The following C2CD2L variants were observed in gnomAD, a reference collection of about 807,000 sequenced individuals.
C2CD2L encodes C2CD2 like.
In C2CD2L, 24 loss-of-function variants were observed where a neutral mutation model predicts 69.9. That is an observed-to-expected ratio of 0.34 (90% CI 0.25 to 0.48). C2CD2L has a LOEUF of 0.48. Ranked by LOEUF, C2CD2L falls within the 20% of genes least tolerant of loss-of-function variation. C2CD2L has a pLI of 0.99. For synonymous variants in C2CD2L, 367 were observed against 391.0 expected (o/e 0.94, Z 0.72); for missense variants, 811 against 941.5 (o/e 0.86, Z 1.81).
chr11:119,108,385 T>G, intron 1 of C2CD2L: 3 of 343,296 alleles, frequency 8.7e-6, no homozygotes, highest in Non-Finnish European at 1.0e-5. Context: ...CACTTCCGCC[T>G]TGCCTGGGTG....
At chr11:119,113,350 G>A in intron 10 of C2CD2L, 1 of 482,856 alleles carries the variant, frequency 2.1e-6, no homozygotes. Context: ...GGGAGCCCCA[G>A]TACCCCCTCT....
Position 119,116,601 on chromosome 11 carries a change from T to C in C2CD2L, c.*345T>C. 2.5e-6 allele frequency: 1 copy of C among 396,006 alleles called. No homozygotes were observed. Among genetic ancestry groups the C allele is most frequent in the East Asian group, 4.8e-5 (1 of 20,842 alleles). The allele number at this position is 396,006 out of a possible 1,614,324, so 24.5% of individuals were successfully genotyped here. The stretch of plus-strand genomic sequence containing the variant: ...GCTCTTCAGCTGACCCTTCTTCCCT[T>C]ATTTATTCTCTTTTCTATTTATATG... On this transcript the variant is annotated 3_prime_UTR_variant, in exon 14 of 14. Transcript: ENST00000648610.
In C2CD2L at chr11:119,113,935, G is replaced by T; in HGVS notation, c.1570G>T (p.Ala524Ser). ...GCTGACAGAGCCCAGTGGGCGGGTG[G>T]CCAAGAAGACACCCACCAAGCGCAG... is the stretch of plus-strand genomic sequence containing the variant. ...RQLTEPSGRV[A>S]KKTPTKRSTL... The change falls in exon 12 of 14, where the codon GCC (alanine) becomes TCC (serine). Residue 524 changes from alanine to serine, a missense_variant. By Grantham distance (99) the Ala-to-Ser change is moderately conservative. Coordinates refer to ENST00000648610, the MANE Select transcript of C2CD2L (RefSeq NM_001290474.2). 6.2e-7 allele frequency: 1 copy of T among 1,614,202 alleles called. No homozygotes were observed. Among genetic ancestry groups the T allele is most frequent in the Non-Finnish European group, 8.5e-7 (1 of 1,180,034 alleles).
In C2CD2L at chr11:119,114,136, A is replaced by C; in HGVS notation, c.1680A>C (p.Glu560Asp). 1 of 1,614,112 alleles carries C rather than the reference A, an allele frequency of 6.2e-7. No individual in the cohort carries two copies. Among genetic ancestry groups the C allele is most frequent in the Non-Finnish European group, 8.5e-7 (1 of 1,179,992 alleles). ...CCCTGGGCTATGCGGCATCCCTGGA[A>C]GCCTCAGTGCAGGATGATGCAGGGA... ...ALSLGYAASL[E>D]ASVQDDAGTS... Residue 560 changes from glutamate to aspartate, a missense_variant, in exon 13 of 14, where the codon GAA (glutamate) becomes GAC (aspartate). Physicochemically the swap from Glu to Asp is conservative, Grantham distance 45. Coordinates refer to ENST00000648610, the MANE Select transcript of C2CD2L (RefSeq NM_001290474.2). This position sits in a 1 kb window ranked among gnomAD's most constrained non-coding sequence, Gnocchi z 5.1.
upstream of C2CD2L, among the ~76,000 whole-genome samples, chr11:119,105,407 G>A (rs1946562318): frequency 6.6e-6 from 1 of 152,196 alleles, no homozygotes; most frequent in Non-Finnish European, 1.5e-5. Context: ...GGGAGGCCGA[G>A]GCGGGAGGAT....
intron 8 of C2CD2L, 26 bp downstream of exon 8, chr11:119,112,418 C>T: frequency 1.9e-6 from 3 of 1,613,890 alleles, no homozygotes; most frequent in Non-Finnish European, 2.5e-6. Context: ...GAGGGGCACC[C>T]CTGGGTGGGT....
rs1430088096 is a variant in C2CD2L, at chr11:119,113,866, C to T, written c.1501C>T (p.Leu501Phe). 1.7e-5 allele frequency: 27 copies of T among 1,614,178 alleles called. No homozygotes were observed. Among genetic ancestry groups the T allele is most frequent in the Non-Finnish European group, 2.3e-5 (27 of 1,180,010 alleles). Residue 501 changes from leucine to phenylalanine, a missense_variant, in exon 12 of 14, where the codon CTT becomes TTT. Leu to Phe is a conservative substitution (Grantham distance 22). Transcript: ENST00000648610. ...TGCACCCCTAGCAGGGGACAGCCACCTTTCCAACGGCTTGGACCCTGTAGC... is the reference window on the plus strand; with the variant it reads ...TGCACCCCTAGCAGGGGACAGCCACTTTTCCAACGGCTTGGACCCTGTAGC... Reference protein sequence around the residue: ...TSHSSSRDSHLSNGLDPVAET... With the variant: ...TSHSSSRDSHFSNGLDPVAET...
In C2CD2L at chr11:119,118,290, C is replaced by CTA. The variant is rs1470929670; in HGVS notation, c.*2038_*2039dup. 1 of 152,178 alleles carries CTA rather than the reference C, an allele frequency of 6.6e-6. No individual in the cohort carries two copies. Among genetic ancestry groups the CTA allele is most frequent in the African/African-American group, 2.4e-5 (1 of 41,440 alleles). The allele number at this position is 152,178 out of a possible 1,614,324, so 9.4% of individuals were successfully genotyped here. A position where few individuals can be genotyped will look rare whatever the true frequency, so the allele number is the denominator to read the frequency against. On this transcript the variant is annotated 3_prime_UTR_variant, in exon 14 of 14. Coordinates refer to ENST00000648610, the MANE Select transcript of C2CD2L (RefSeq NM_001290474.2). ...AGTCTCCGATGTCTTTTATTCCACT[C>CTA]TATATGTCCATGTATACCCATTATT...
chr11:119,105,856 T>C (rs954764802), upstream of C2CD2L, among the ~76,000 whole-genome samples: 1 of 151,986 alleles, frequency 6.6e-6, no homozygotes, highest in African/African-American at 2.4e-5. Context: ...GGGAAGAGGG[T>C]CTTCATAGGG....
chr11:119,106,108 C>T (rs1037711266), upstream of C2CD2L, among the ~76,000 whole-genome samples: 6 of 152,244 alleles, frequency 3.9e-5, no homozygotes, highest in African/African-American at 1.4e-4. Context: ...CCCCACCTCT[C>T]CCCATCATTC....
chr11:119,111,489 C>A (rs759154283), intron 6 of C2CD2L, 32 bp from the exon 7 acceptor site: 1 of 1,607,090 alleles, frequency 6.2e-7, no homozygotes, highest in Non-Finnish European at 8.5e-7. Flanking sequence ...CATCTCTGAT[C>A]TGAGCATCTT....
At chr11:119,112,941 C>A (rs1246326092) in intron 10 of C2CD2L, 67 bp downstream of exon 10, 2 of 1,361,274 alleles carry the variant, frequency 1.5e-6, no homozygotes, top group African/African-American at 1.5e-5. Context: ...CAAGGCAGGA[C>A]AGTGAAAGAG....
At position 119,111,683 on chromosome 11, in the gene C2CD2L, T is replaced by A. The variant is rs549675301; in HGVS notation, c.1019+54T>A. 1.1e-4 allele frequency: 136 copies of A among 1,232,470 alleles called. No homozygotes were observed. In the East Asian group the frequency reaches 3.2e-3, roughly 29 times the overall value. The allele number at this position is 1,232,470 out of a possible 1,614,324, so 76.3% of individuals were successfully genotyped here. Reference sequence around the variant, plus strand: ...GCTCCAGAGCAGAGAGGATCAAACCTTTCCAGCACAGTCCTTGCAGGAATC... The same window carrying A: ...GCTCCAGAGCAGAGAGGATCAAACCATTCCAGCACAGTCCTTGCAGGAATC... On this transcript the variant is annotated intron_variant, in intron 7 of 13. Coordinates refer to ENST00000648610, the MANE Select transcript of C2CD2L (RefSeq NM_001290474.2).
Position 119,111,382 on chromosome 11 carries a change from C to G in C2CD2L, c.910+8C>G, listed in dbSNP as rs368566781. On this transcript the variant is annotated splice_region_variant and intron_variant, in intron 6 of 13. Coordinates refer to ENST00000648610, the MANE Select transcript of C2CD2L (RefSeq NM_001290474.2). ...TGGGAAATGAGCTGGAAGGTGAGAG[C>G]TGGAAGTGGCTGCGGGACTGCCAAG... is the stretch of plus-strand genomic sequence containing the variant. The G allele has an allele frequency of 1.2e-6, 2 of 1,612,280 alleles. No homozygotes were observed. Among genetic ancestry groups the G allele is most frequent in the South Asian group, 2.2e-5 (2 of 91,036 alleles).
chr11:119,110,039 G>A lies in C2CD2L; in HGVS notation c.355-65G>A. The stretch of plus-strand genomic sequence containing the variant: ...CAGTGGCAGAGTCCAGCCAGCAACT[G>A]AGCAGGCCAACCCTGTGGGGGGCAG... On this transcript the variant is annotated intron_variant, in intron 1 of 13. Transcript: ENST00000648610. The surrounding 1 kb of genome is among the most constrained non-coding windows in gnomAD (Gnocchi z 5.7). The A allele has an allele frequency of 8.4e-7, 1 of 1,192,872 alleles. No individual in the cohort carries two copies. The highest frequency in any genetic ancestry group is 2.3e-5 in the East Asian group (1 of 42,954). 73.9% of individuals were successfully genotyped at this position (1,192,872 alleles called of 1,614,324 possible).
At chr11:119,112,194 A>G in intron 7 of C2CD2L, 134 bp from the exon 8 acceptor site, 2 of 752,682 alleles carry the variant, frequency 2.7e-6, no homozygotes, top group Non-Finnish European at 4.3e-6. Flanking sequence ...TTTGGAGGCC[A>G]GGAGAATCTG....
In C2CD2L at chr11:119,116,343, C is replaced by T. The variant is rs1946893134; in HGVS notation, c.*87C>T. On this transcript the variant is annotated 3_prime_UTR_variant, in exon 14 of 14. Transcript: ENST00000648610. ...CCTTCCTGGATCTCCAGTGCCTGGG[C>T]CAGGAAAGCCCTCTGGGTTCCGGGA... The T allele has an allele frequency of 1.8e-6, 2 of 1,119,546 alleles. No homozygotes were observed. The highest frequency in any genetic ancestry group is 1.5e-5 in the African/African-American group (1 of 65,442). 69.4% of individuals were successfully genotyped at this position (1,119,546 alleles called of 1,614,324 possible).
rs1199866663 is a variant in C2CD2L at position 119,110,529 on chromosome 11, C to T, written c.451-32C>T. 3.1e-6 allele frequency: 5 copies of T among 1,597,266 alleles called. No homozygotes were observed. Among genetic ancestry groups the T allele is most frequent in the East Asian group, 2.2e-5 (1 of 44,498 alleles). ...AGTTCAAAGCAGGGTGAGCACCCTT[C>T]CCCCACATCTGACCCACCTCGCCGG... On this transcript the variant is annotated intron_variant, in intron 2 of 13. Coordinates refer to ENST00000648610, the MANE Select transcript of C2CD2L (RefSeq NM_001290474.2). This position sits in a 1 kb window ranked among gnomAD's most constrained non-coding sequence, Gnocchi z 5.7.
In C2CD2L at chr11:119,116,454, A is replaced by G; in HGVS notation, c.*198A>G. 1 of 601,116 alleles carries G rather than the reference A, an allele frequency of 1.7e-6. No individual in the cohort carries two copies. Among genetic ancestry groups the G allele is most frequent in the Non-Finnish European group, 3.0e-6 (1 of 337,734 alleles). The allele number at this position is 601,116 out of a possible 1,614,324, so 37.2% of individuals were successfully genotyped here. ...GAGAGGTGGGCACCCGGTGCCGAGG[A>G]CATGGACGAGGGACTGGTGGCTGGG... On this transcript the variant is annotated 3_prime_UTR_variant, in exon 14 of 14. Transcript: ENST00000648610.
Sources: allele counts gnomAD v4.1 joint callset (sites outside exome capture counted in the v4.1 genomes callset), GRCh38; gene constraint gnomAD v4.1.1; non-coding constraint Gnocchi (gnomAD v3.1); transcripts MANE v1.5; gene names NCBI Gene and HGNC (gene_info 2026-07-23, HGNC 2026-07-21).